The following LAMA3 variants were observed in gnomAD, a reference collection of about 807,000 sequenced individuals.
LAMA3 encodes the protein laminin subunit alpha-3.
In LAMA3, 281 loss-of-function variants were observed where a neutral mutation model predicts 402.0. That is an observed-to-expected ratio of 0.70 (90% CI 0.63 to 0.77). LAMA3 has a LOEUF of 0.77. Ranked by LOEUF, LAMA3 falls within the 30% of genes least tolerant of loss-of-function variation. The pLI is 0.00. For missense variants in LAMA3, 3,840 were observed against 4,215.5 expected (o/e 0.91, Z 2.47); for synonymous variants, 1,431 against 1,558.4 (o/e 0.92, Z 1.93).
chr18:23,800,327 T>G (rs1413291982), intron 12 of LAMA3, among the ~76,000 whole-genome samples: 1 of 152,216 alleles, frequency 6.6e-6, no homozygotes, highest in East Asian at 1.9e-4. Flanking sequence ...TTCAATACTG[T>G]GGTATTAAGT....
At position 23,782,330 on chromosome 18, in the gene LAMA3, C is replaced by T. The variant is rs560787923; in HGVS notation, c.1469-1693C>T. On this transcript the variant is annotated intron_variant, in intron 11 of 74. Transcript: ENST00000313654. ...CTGCACTTTGGGAGGCTGAGGCAGGCGGATCACCTGAGGTCGGGAGTTTGA... is the reference window on the plus strand; with the variant it reads ...CTGCACTTTGGGAGGCTGAGGCAGGTGGATCACCTGAGGTCGGGAGTTTGA... Among the ~76,000 whole-genome samples the T allele has an allele frequency of 8.5e-5, 13 of 152,110 alleles. No individual in the cohort carries two copies. In the East Asian group the frequency reaches 1.2e-3, roughly 14 times the overall value.
chr18:23,758,598 G>T (rs2061903688), intron 7 of LAMA3, 87 bp downstream of exon 7: 2 of 993,262 alleles, frequency 2.0e-6, no homozygotes, highest in African/African-American at 3.2e-5. Context: ...TGCTAGAGAA[G>T]AGGCTGTGGT....
At chr18:23,801,047 G>A (rs576002023) in intron 12 of LAMA3, among the ~76,000 whole-genome samples, 2 of 152,130 alleles carry the variant, frequency 1.3e-5, no homozygotes, top group African/African-American at 2.4e-5. Context: ...GATGCCCATC[G>A]ACAGTGAACT....
At chr18:23,914,675 T>G in intron 57 of LAMA3, 23 bp from the exon 58 acceptor site, 1 of 1,602,244 alleles carries the variant, frequency 6.2e-7, no homozygotes, top group Admixed American at 1.7e-5. Context: ...TTTAACTTTA[T>G]TATCTAAATT....
rs1433267698 is a variant in LAMA3 at position 23,914,530 on chromosome 18, G to A, written c.7450G>A (p.Glu2484Lys). The change falls in exon 57 of 75, where the codon GAG becomes AAG. Residue 2484 changes from glutamate (E) to lysine (K), a missense_variant. Around this residue, in one of 3 missense-constraint regions of LAMA3, gnomAD observed 891 missense variants for 857.5 expected, o/e 1.04. Coordinates refer to ENST00000313654, the MANE Select transcript of LAMA3 (RefSeq NM_198129.4). ...DQILTKSETK[E>K]AVMDRVKFQR... Reference sequence around the variant, plus strand: ...GATCTTGACCAAGAGTGAGACTAAGGAGGCAGTTATGGATCGGGTGAAATT... The same window carrying A: ...GATCTTGACCAAGAGTGAGACTAAGAAGGCAGTTATGGATCGGGTGAAATT... 1 of 1,614,190 alleles carries A rather than the reference G, an allele frequency of 6.2e-7. No individual in the cohort carries two copies. Among genetic ancestry groups the A allele is most frequent in the Admixed American group, 1.7e-5 (1 of 60,022 alleles).
At chr18:23,811,500 C>G (rs2063068199) in intron 13 of LAMA3, among the ~76,000 whole-genome samples, 1 of 152,136 alleles carries the variant, frequency 6.6e-6, no homozygotes, top group Admixed American at 6.5e-5. Flanking sequence ...CTGAAGGTCC[C>G]TAGGATGCGA....
chr18:23,777,014 A>G (rs2062336484), intron 10 of LAMA3, among the ~76,000 whole-genome samples: 1 of 151,700 alleles, frequency 6.6e-6, no homozygotes, highest in Non-Finnish European at 1.5e-5. Flanking sequence ...CTAATTTTGT[A>G]TTTTTAGTAG....
intron 21 of LAMA3, 141 bp downstream of exon 21, chr18:23,824,706 C>T (rs745686650): frequency 7.8e-6 from 7 of 892,204 alleles, no homozygotes; most frequent in Non-Finnish European, 1.3e-5. Flanking sequence ...TCAGCCCCAA[C>T]CTAAGGAAAC....
chr18:23,716,489 A>G (rs2061102236), intron 2 of LAMA3, among the ~76,000 whole-genome samples: 1 of 152,130 alleles, frequency 6.6e-6, no homozygotes, highest in Non-Finnish European at 1.5e-5. Context: ...GGGTTTTTAT[A>G]GGTAACAGGG....
chr18:23,929,722 G>A (rs928173812), intron 64 of LAMA3, among the ~76,000 whole-genome samples: 1 of 152,170 alleles, frequency 6.6e-6, no homozygotes, highest in African/African-American at 2.4e-5. Flanking sequence ...TTTTTAAAAT[G>A]AGCCCTAAAG....
At chr18:23,840,074 G>T (rs2063665043) in intron 27 of LAMA3, 145 bp downstream of exon 27, 4 of 878,386 alleles carry the variant, frequency 4.6e-6, no homozygotes, top group Admixed American at 4.0e-5. Flanking sequence ...GTGGGCCCAG[G>T]AATCTGTGTT....
intron 3 of LAMA3, 81 bp downstream of exon 3, chr18:23,748,141 A>T (rs2061683442): frequency 1.0e-6 from 1 of 964,610 alleles, no homozygotes; most frequent in East Asian, 2.4e-5. Context: ...TTAGAAAATT[A>T]ATCTTGGCTG....
intron 2 of LAMA3, among the ~76,000 whole-genome samples, chr18:23,733,627 C>A (rs1025409575): frequency 6.6e-6 from 1 of 152,088 alleles, no homozygotes. Context: ...AGGAAGGTTT[C>A]GCAAAGAAGG....
At chr18:23,876,780 T>A (rs4800170) in intron 39 of LAMA3, among the ~76,000 whole-genome samples, 22,712 of 152,086 alleles carry the variant, frequency 0.15, 3,724 homozygotes, top group African/African-American at 0.39. Context: ...GGAGTGGGGC[T>A]TGTTGCTGTC....
intron 40 of LAMA3, among the ~76,000 whole-genome samples, chr18:23,884,407 C>A (rs1196983186): frequency 6.6e-6 from 1 of 152,010 alleles, no homozygotes; most frequent in Non-Finnish European, 1.5e-5. Context: ...AGAATCAGAA[C>A]TCTCTGTTCT....
chr18:23,863,651 T>G (rs1304217744), intron 35 of LAMA3, among the ~76,000 whole-genome samples: 1 of 152,264 alleles, frequency 6.6e-6, no homozygotes, highest in Non-Finnish European at 1.5e-5. Context: ...GGTTACAGAC[T>G]CTAGGGAAAA....
chr18:23,927,465 G>A (rs12958287), intron 62 of LAMA3, among the ~76,000 whole-genome samples: 78,138 of 151,976 alleles, frequency 0.51, 22,804 homozygotes, highest in Non-Finnish European at 0.67. Flanking sequence ...CACCCCACCC[G>A]GCCCGTTAAT....
At chr18:23,875,897 A>G (rs866594781) in intron 38 of LAMA3, among the ~76,000 whole-genome samples, 1 of 152,080 alleles carries the variant, frequency 6.6e-6, no homozygotes, top group Non-Finnish European at 1.5e-5. Flanking sequence ...TTTCCCCACC[A>G]TGCATCTCAC....
At position 23,949,915 on chromosome 18, in the gene LAMA3, G is replaced by A. The variant is rs184865221; in HGVS notation, c.9502G>A (p.Val3168Ile). The change falls in exon 71 of 75, where the codon GTC becomes ATC. Residue 3168 changes from valine to isoleucine, a missense_variant. Around this residue, in one of 3 missense-constraint regions of LAMA3, gnomAD observed 840 missense variants for 981.9 expected, o/e 0.86. Transcript: ENST00000313654. ...GIYFSEEGGH[V>I]VLAHSVLLGP... ...TTATTTCTCTGAAGAAGGAGGTCAT[G>A]TCGTCTTGGGTAAGGAGCAGTTCTA... 1.2e-6 allele frequency: 2 copies of A among 1,614,088 alleles called. No individual in the cohort carries two copies. Among genetic ancestry groups the A allele is most frequent in the South Asian group, 1.1e-5 (1 of 91,078 alleles).
Sources: allele counts gnomAD v4.1 joint callset (sites outside exome capture counted in the v4.1 genomes callset), GRCh38; gene constraint gnomAD v4.1.1; regional missense constraint gnomAD v4.1.1; transcripts MANE v1.5; gene names NCBI Gene and HGNC (gene_info 2026-07-23, HGNC 2026-07-21).